UBE2E2: variants seen among roughly 807,000 people sequenced by gnomAD.
UBE2E2 encodes ubiquitin-conjugating enzyme E2 E2.
A neutral mutation model predicts 24.7 loss-of-function variants in UBE2E2; 6 were observed. The ratio of observed to expected loss-of-function variants is 0.24; its 90% CI spans 0.13 to 0.48. UBE2E2 has a LOEUF of 0.48. Among genes scored for constraint, UBE2E2 ranks in the 20% least tolerant of loss-of-function variants. The probability of loss-of-function intolerance (pLI) is 0.99; values close to 1 mark genes in which losing one functional copy is unlikely to be tolerated. For synonymous variants in UBE2E2, 104 were observed against 83.6 expected, an observed-to-expected ratio of 1.24 and a Z score of -1.33; for missense variants, 169 against 245.0, an observed-to-expected ratio of 0.69 and a Z score of 2.07.
At chr3:23,576,194 G>A (rs1485264487) in intron 5 of UBE2E2, among the ~76,000 whole-genome samples, 1 of 151,886 alleles carries the variant, frequency 6.6e-6, no homozygotes, top group Admixed American at 6.6e-5. Context: ...AATAAAACTA[G>A]GCTAGACCAA....
rs558902522 is a variant in UBE2E2 at position 23,308,130 on chromosome 3, T to G, written c.227+90818T>G. ...AATCAGCTATACCTGGCTTTAGATC[T>G]TAGCTCCATTACCTTTTAACCATGT... is the stretch of plus-strand genomic sequence containing the variant. On this transcript the variant is annotated intron_variant, in intron 3 of 5. Transcript: ENST00000396703. 7.2e-5 allele frequency among the ~76,000 whole-genome samples: 11 copies of G among 152,332 alleles called. No individual in the cohort carries two copies. In the South Asian group the frequency reaches 1.7e-3, roughly 23 times the overall value.
intron 3 of UBE2E2, among the ~76,000 whole-genome samples, chr3:23,286,634 G>T (rs890149741): frequency 3.3e-5 from 5 of 152,122 alleles, no homozygotes; most frequent in African/African-American, 7.2e-5. Flanking sequence ...GCTATTCGGG[G>T]TCTTTTGTGG....
intron 3 of UBE2E2, among the ~76,000 whole-genome samples, chr3:23,442,609 A>G (rs557453882): frequency 6.6e-6 from 1 of 152,320 alleles, no homozygotes; most frequent in East Asian, 1.9e-4. Flanking sequence ...TTTCTATAAG[A>G]TCTTATAAAA....
At chr3:23,581,604 T>A (rs1039470388) in intron 5 of UBE2E2, among the ~76,000 whole-genome samples, 2 of 152,224 alleles carry the variant, frequency 1.3e-5, no homozygotes, top group Non-Finnish European at 2.9e-5. Flanking sequence ...GGCACAGTAA[T>A]TTCCCAAGGT....
At chr3:23,215,793 G>C (rs946816390) in intron 2 of UBE2E2, among the ~76,000 whole-genome samples, 1 of 152,194 alleles carries the variant, frequency 6.6e-6, no homozygotes, top group African/African-American at 2.4e-5. Flanking sequence ...AGAGGTGAAA[G>C]TGTGTGTGCC....
chr3:23,443,960 G>A (rs1037850191), intron 3 of UBE2E2, among the ~76,000 whole-genome samples: 1 of 152,008 alleles, frequency 6.6e-6, no homozygotes, highest in African/African-American at 2.4e-5. Context: ...CTTTAGACGG[G>A]ACAGTTAGAG....
chr3:23,316,166 G>T (rs142794406), intron 3 of UBE2E2, among the ~76,000 whole-genome samples: 1 of 152,082 alleles, frequency 6.6e-6, no homozygotes, highest in Admixed American at 6.5e-5. Flanking sequence ...GAGCTTTGCC[G>T]TCAGCAGTTG....
intron 3 of UBE2E2, among the ~76,000 whole-genome samples, chr3:23,427,895 A>G (rs1413247655): frequency 6.6e-6 from 1 of 152,228 alleles, no homozygotes; most frequent in South Asian, 2.1e-4. Context: ...TATGTGCATA[A>G]CAACAGCATA....
chr3:23,479,361 C>T (rs1221287761), intron 3 of UBE2E2, among the ~76,000 whole-genome samples: 1 of 152,174 alleles, frequency 6.6e-6, no homozygotes, highest in African/African-American at 2.4e-5. Context: ...GCTACAGGCA[C>T]CTGCATCTGA....
Position 23,216,586 on chromosome 3 carries a change from G to T in UBE2E2, c.177-676G>T, listed in dbSNP as rs141795264. ...CCAAGTATAGTCTTAGAAAACAGTG[G>T]CGCACTTTCAGCCTTTTTGTATGTA... On this transcript the variant is annotated intron_variant, in intron 2 of 5. Transcript: ENST00000396703. 6.5e-3 allele frequency among the ~76,000 whole-genome samples: 989 copies of T among 152,200 alleles called. 9 individuals are homozygous for T. The highest frequency in any genetic ancestry group is 0.023 in the African/African-American group (940 of 41,532).
chr3:23,231,218 C>T (rs982011321), intron 3 of UBE2E2, among the ~76,000 whole-genome samples: 4 of 152,150 alleles, frequency 2.6e-5, no homozygotes, highest in Non-Finnish European at 5.9e-5. Flanking sequence ...CATTTTTCCT[C>T]TCTTTGCCCT....
chr3:23,526,609 C>T (rs918863873), intron 4 of UBE2E2, among the ~76,000 whole-genome samples: 4 of 127,820 alleles, frequency 3.1e-5, no homozygotes, highest in South Asian at 2.2e-4. Context: ...GATGGCAGGA[C>T]CCCCAAAGAG....
rs764458474 is a variant in UBE2E2, at chr3:23,499,676, A to G, written c.296A>G (p.Tyr99Cys). ...ATATTGGGACCCCCAGGATCTGTCT[A>G]TGAAGGAGGGGTGTTCTTTCTTGAC... ...STILGPPGSV[Y>C]EGGVFFLDIT... The change falls in exon 4 of 6, where the codon TAT becomes TGT. Residue 99 changes from tyrosine to cysteine, a missense_variant. By Grantham distance (194) the Tyr-to-Cys change is radical. Coordinates refer to ENST00000396703, the MANE Select transcript of UBE2E2 (RefSeq NM_152653.4). The G allele has an allele frequency of 5.6e-6, 9 of 1,613,884 alleles. No homozygotes were observed. The highest frequency in any genetic ancestry group is 4.5e-5 in the East Asian group (2 of 44,884).
At chr3:23,505,985 A>G (rs1419190756) in intron 4 of UBE2E2, among the ~76,000 whole-genome samples, 1 of 152,248 alleles carries the variant, frequency 6.6e-6, no homozygotes, top group East Asian at 1.9e-4. Context: ...AAGTTCAACA[A>G]TGAGTTCCAC....
intron 3 of UBE2E2, among the ~76,000 whole-genome samples, chr3:23,453,318 A>G (rs1426649382): frequency 1.3e-5 from 2 of 152,104 alleles, no homozygotes; most frequent in Non-Finnish European, 2.9e-5. Context: ...GTTGGAAACA[A>G]TATGTTTGGA....
At chr3:23,559,538 A>G (rs1431040521) in intron 5 of UBE2E2, among the ~76,000 whole-genome samples, 3 of 152,226 alleles carry the variant, frequency 2.0e-5, no homozygotes, top group Non-Finnish European at 2.9e-5. Context: ...GTCTCCAGAA[A>G]TAAAAGATAG....
At chr3:23,207,840 A>G (rs770780414) in intron 1 of UBE2E2, among the ~76,000 whole-genome samples, 19 of 152,202 alleles carry the variant, frequency 1.2e-4, no homozygotes, top group Non-Finnish European at 2.5e-4. Flanking sequence ...TATAATTCAC[A>G]TACTATAAAA....
intron 3 of UBE2E2, among the ~76,000 whole-genome samples, chr3:23,239,954 C>T (rs1332852072): frequency 6.6e-6 from 1 of 152,104 alleles, no homozygotes; most frequent in African/African-American, 2.4e-5. Context: ...TCTGTTTCTA[C>T]CTAGTTTCAA....
In UBE2E2 at chr3:23,591,468, A is replaced by G. The variant is rs1387398011; in HGVS notation, c.*1637A>G. 6.6e-6 allele frequency: 1 copy of G among 152,216 alleles called. No homozygotes were observed. Among genetic ancestry groups the G allele is most frequent in the African/African-American group, 2.4e-5 (1 of 41,464 alleles). The allele number at this position is 152,216 out of a possible 1,614,324, so 9.4% of individuals were successfully genotyped here. A position where few individuals can be genotyped will look rare whatever the true frequency, so the allele number is the denominator to read the frequency against. On this transcript the variant is annotated 3_prime_UTR_variant, in exon 6 of 6. Coordinates refer to ENST00000396703, the MANE Select transcript of UBE2E2 (RefSeq NM_152653.4). ...CACTTCTAAACCAAAATACCTGAGA[A>G]TATTTTTTGTCTTTTTAATAACGAT...
Sources: gnomAD v4.1 joint callset for allele counts (sites outside exome capture counted in the v4.1 genomes callset) on GRCh38, gnomAD v4.1.1 for gene constraint, MANE v1.5 for transcripts, NCBI Gene and HGNC (gene_info 2026-07-23, HGNC 2026-07-21) for gene names.